The following DPM1 variants were observed in gnomAD, a reference collection of about 807,000 sequenced individuals.
DPM1 encodes dolichyl-phosphate mannosyltransferase subunit 1, catalytic.
DPM1 carries 27 observed loss-of-function variants against 39.0 expected under a neutral mutation model. The observed-to-expected ratio is 0.69, with a 90% CI of 0.51 to 0.95. DPM1 has a LOEUF of 0.95. Among genes scored for constraint, DPM1 ranks in the 40% least tolerant of loss-of-function variants. The pLI, the probability that DPM1 is intolerant of heterozygous loss-of-function variation, is 0.00. For synonymous variants in DPM1, 124 were observed against 109.0 expected (o/e 1.14, Z -0.86); for missense variants, 307 against 315.6 (o/e 0.97, Z 0.21).
Position 50,935,176 on chromosome 20 carries a change from C to T in DPM1, c.739G>A (p.Val247Ile). Residue 247 changes from valine (V) to isoleucine (I), a missense_variant, in exon 9 of 9, where the codon GTA (valine) becomes ATA (isoleucine). Around this residue, in one of 3 missense-constraint regions of DPM1, gnomAD observed 70 missense variants for 69.4 expected, o/e 1.01. Coordinates refer to ENST00000371588, the MANE Select transcript of DPM1 (RefSeq NM_003859.3). Reference protein sequence around the residue: ...GESKLGGNEIVSFLKGLLTLF... With the variant: ...GESKLGGNEIISFLKGLLTLF... ...GTCAATAATCCTTTCAAGAAAGATA[C>T]TATTTCATTTCCTCCCAACTTGGAT... 6.2e-7 allele frequency: 1 copy of T among 1,608,846 alleles called. No homozygotes were observed. The highest frequency in any genetic ancestry group is 8.5e-7 in the Non-Finnish European group (1 of 1,176,218).
chr20:50,941,211 T>TA, intron 6 of DPM1: 1 of 183,950 alleles, frequency 5.4e-6, no homozygotes, highest in Non-Finnish European at 9.1e-6. Context: ...ACTCCATCAC[T>TA]ACAAAAAAAA....
chr20:50,955,254 C>T lies in DPM1; in HGVS notation c.193G>A (p.Asp65Asn), dbSNP rs1179294465. 1.2e-6 allele frequency: 2 copies of T among 1,613,058 alleles called. No individual in the cohort carries two copies. Among genetic ancestry groups the T allele is most frequent in the Non-Finnish European group, 1.7e-6 (2 of 1,179,674 alleles). ...GINYEIIIID[D>N]GSPDGTRDVA... is the part of the protein sequence containing the mutation. Reference sequence around the variant, plus strand: ...TCCCTTGTTCCATCTGGGCTTCCATCATCTATGATTATAATTTCATAGTTG... The same window carrying T: ...TCCCTTGTTCCATCTGGGCTTCCATTATCTATGATTATAATTTCATAGTTG... Residue 65 changes from aspartate (D) to asparagine (N), a missense_variant, in exon 2 of 9, where the codon GAT (aspartate) becomes AAT (asparagine). Physicochemically the swap from Asp to Asn is conservative, Grantham distance 23. Around this residue, in one of 3 missense-constraint regions of DPM1, gnomAD observed 206 missense variants for 188.2 expected, o/e 1.09. Coordinates refer to ENST00000371588, the MANE Select transcript of DPM1 (RefSeq NM_003859.3).
chr20:50,951,620 C>T (rs1986582689), intron 2 of DPM1, among the ~76,000 whole-genome samples: 2 of 152,168 alleles, frequency 1.3e-5, no homozygotes, highest in South Asian at 4.1e-4. Flanking sequence ...GAAGCCCAGT[C>T]TCTACTAAAA....
rs76899294 is a variant in DPM1, at chr20:50,948,817, GA to G, written c.262-156del. On this transcript the variant is annotated intron_variant, in intron 2 of 8. Transcript: ENST00000371588. ...TATCCTTAATATTTTTTTGCCAAAA[GA>G]AAAAAAAAAGCATTTGGTAACAAAC... is the stretch of plus-strand genomic sequence containing the variant. Among the ~76,000 whole-genome samples the G allele has an allele frequency of 0.23, 33,980 of 146,442 alleles. 4,100 individuals carry two copies. The highest frequency in any genetic ancestry group is 0.27 in the Non-Finnish European group (17,981 of 66,354).
intron 3 of DPM1, among the ~76,000 whole-genome samples, chr20:50,947,140 A>AGAGATCGCGGTGAGCC (rs1342452441): frequency 6.6e-6 from 1 of 152,212 alleles, no homozygotes; most frequent in Non-Finnish European, 1.5e-5. Context: ...CCCGGGAGGC[A>AGAGATCGCGGTGAGCC]GAGATCGCGG....
intron 1 of DPM1, 84 bp from the exon 2 acceptor site, chr20:50,955,369 G>T: frequency 1.1e-6 from 1 of 948,060 alleles, no homozygotes; most frequent in Non-Finnish European, 1.6e-6. Context: ...TTCCTTAAAA[G>T]TATAAATGGA....
At chr20:50,947,361 A>ACTGATCTATCTAT (rs1473547179) in intron 3 of DPM1, among the ~76,000 whole-genome samples, 2 of 152,186 alleles carry the variant, frequency 1.3e-5, no homozygotes, top group African/African-American at 4.8e-5. Flanking sequence ...TCAGAGTAAG[A>ACTGATCTATCTAT]CTGTCTCAGA....
At chr20:50,947,345 TG>T (rs1427949265) in intron 3 of DPM1, among the ~76,000 whole-genome samples, 8 of 152,220 alleles carry the variant, frequency 5.3e-5, no homozygotes, top group African/African-American at 1.9e-4. Context: ...CACTCCAGCC[TG>T]GGGATCAGAG....
chr20:50,938,599 C>T (rs1985422699), intron 7 of DPM1, among the ~76,000 whole-genome samples: 1 of 151,136 alleles, frequency 6.6e-6, no homozygotes, highest in Admixed American at 6.6e-5. Flanking sequence ...CCAGGATGGT[C>T]TCGATCTCCT....
intron 3 of DPM1, among the ~76,000 whole-genome samples, chr20:50,948,346 C>T (rs972882266): frequency 1.3e-5 from 2 of 152,138 alleles, no homozygotes; most frequent in African/African-American, 4.8e-5. Flanking sequence ...ATCTTAGTAG[C>T]CTCACTGCTC....
chr20:50,946,361 T>C (rs1407642087), intron 3 of DPM1, among the ~76,000 whole-genome samples: 4 of 152,118 alleles, frequency 2.6e-5, no homozygotes, highest in African/African-American at 7.2e-5. Context: ...AAAGATAACA[T>C]TGCAAAATCA....
intron 2 of DPM1, among the ~76,000 whole-genome samples, chr20:50,951,417 C>A (rs1342638336): frequency 1.3e-5 from 2 of 152,218 alleles, no homozygotes; most frequent in Non-Finnish European, 2.9e-5. Flanking sequence ...AATGCACATA[C>A]ACACATATAT....
At chr20:50,945,664 G>T in intron 5 of DPM1, 73 bp downstream of exon 5, 2 of 1,326,616 alleles carry the variant, frequency 1.5e-6, no homozygotes, top group South Asian at 1.3e-5. Flanking sequence ...AATAAAAAAT[G>T]AAAATAAGCC....
chr20:50,958,540 A>C, upstream of DPM1: 1 of 1,613,162 alleles, frequency 6.2e-7, no homozygotes, highest in Non-Finnish European at 8.5e-7. Context: ...ACTGAGCCAG[A>C]TGCCGGAAGC....
At position 50,945,872 on chromosome 20, in the gene DPM1, A is replaced by G; in HGVS notation, c.347T>C (p.Ile116Thr). ...ATGGTGTGAGAGATCAGCATCCATA[A>G]TAATGATGTAGTTTCCTGTGGCATG... The part of the protein sequence containing the change: ...MKHATGNYII[I>T]MDADLSHHPK... The change falls in exon 4 of 9, where the codon ATT (isoleucine) becomes ACT (threonine). Residue 116 changes from isoleucine (I) to threonine (T), a missense_variant. Physicochemically the swap from Ile to Thr is moderately conservative, Grantham distance 89. Around this residue, in one of 3 missense-constraint regions of DPM1, gnomAD observed 206 missense variants for 188.2 expected, o/e 1.09. Coordinates refer to ENST00000371588, the MANE Select transcript of DPM1 (RefSeq NM_003859.3). 6.2e-7 allele frequency: 1 copy of G among 1,613,750 alleles called. No individual in the cohort carries two copies.
Position 50,945,585 on chromosome 20 carries a change from C to G in DPM1, c.398+152G>C, listed in dbSNP as rs905064555. ...TCTCAAACTGCTGACTTCAAGCAAC[C>G]CTCCTACCCTGACTTCCCAAACTTT... On this transcript the variant is annotated intron_variant, in intron 5 of 8. Coordinates refer to ENST00000371588, the MANE Select transcript of DPM1 (RefSeq NM_003859.3). 6.7e-6 allele frequency: 5 copies of G among 747,728 alleles called. No individual in the cohort carries two copies. In the African/African-American group the frequency reaches 8.9e-5, roughly 13 times the overall value. The allele number at this position is 747,728 out of a possible 1,614,324, so 46.3% of individuals were successfully genotyped here. A position where few individuals can be genotyped will look rare whatever the true frequency, so the allele number is the denominator to read the frequency against.
rs543677148 is a variant in DPM1 at position 50,940,128 on chromosome 20, A to G, written c.563+737T>C. 1.9e-4 allele frequency among the ~76,000 whole-genome samples: 27 copies of G among 141,776 alleles called. 1 individual carries two copies. In the East Asian group the frequency reaches 5.0e-3, roughly 26 times the overall value. 93.0% of individuals were successfully genotyped at this position (141,776 alleles called of 152,430 possible). A position where few individuals can be genotyped will look rare whatever the true frequency, so the allele number is the denominator to read the frequency against. ...TGTGTGTGTGTGTGTGTGTGTGTCA[A>G]TTCTCACATTTAAGGACCTAGATTT... is the stretch of plus-strand genomic sequence containing the variant. On this transcript the variant is annotated intron_variant, in intron 7 of 8. Transcript: ENST00000371588.
At chr20:50,939,893 G>A (rs932480000) in intron 7 of DPM1, among the ~76,000 whole-genome samples, 1 of 152,182 alleles carries the variant, frequency 6.6e-6, no homozygotes, top group African/African-American at 2.4e-5. Context: ...GATTATAGGC[G>A]CAAGCCACTG....
intron 2 of DPM1, among the ~76,000 whole-genome samples, chr20:50,954,643 T>C (rs1389561499): frequency 6.6e-6 from 1 of 152,200 alleles, no homozygotes; most frequent in Non-Finnish European, 1.5e-5. Flanking sequence ...GTACAGTGGG[T>C]GAATCTAAAG....
Sources: gnomAD v4.1 joint callset for allele counts (sites outside exome capture counted in the v4.1 genomes callset) on GRCh38, gnomAD v4.1.1 for gene constraint, gnomAD v4.1.1 regional missense constraint, MANE v1.5 for transcripts, NCBI Gene and HGNC (gene_info 2026-07-23, HGNC 2026-07-21) for gene names.